MUC6: variants seen among roughly 807,000 people sequenced by gnomAD.
The protein encoded by MUC6 is mucin 6, oligomeric mucus/gel-forming (gene/pseudogene), also known as mucin-6.
MUC6 carries 188 observed loss-of-function variants against 201.5 expected under a neutral mutation model. The ratio of observed to expected loss-of-function variants is 0.93; its 90% CI spans 0.83 to 1.05. The LOEUF (loss-of-function observed/expected upper bound fraction) is 1.05, where lower values mean the gene tolerates loss of function less well. Among genes scored for constraint, MUC6 ranks in the 50% least tolerant of loss-of-function variants. MUC6 has a pLI of 0.00. For synonymous variants in MUC6, 1,228 were observed against 1,389.4 expected, an observed-to-expected ratio of 0.88 and a Z score of 2.58; for missense variants, 2,706 against 3,256.9, an observed-to-expected ratio of 0.83 and a Z score of 4.12.
Position 1,013,492 on chromosome 11 carries a change from G to A in MUC6, c.7284C>T (p.Ser2428=), listed in dbSNP as rs1271528795. 1.9e-6 allele frequency: 3 copies of A among 1,585,416 alleles called. No homozygotes were observed. Among genetic ancestry groups the A allele is most frequent in the East Asian group, 2.3e-5 (1 of 43,230 alleles). ...AGGCCACAGAGCTGCACACGCAGTGGCTGAACACCTGCAGGGTGAGTACGA... is the reference window on the plus strand; with the variant it reads ...AGGCCACAGAGCTGCACACGCAGTGACTGAACACCTGCAGGGTGAGTACGA... The part of the protein sequence containing the change: ...RRLVLTLQVF[S]HCVCSSVACG... The change falls in exon 33 of 33, where the codon AGC becomes AGT. Residue 2428 remains serine (S), a synonymous_variant. Transcript: ENST00000421673.
At chr11:1,036,513 C>T (rs943698212) in intron 1 of MUC6, 91 bp downstream of exon 1, 41 of 1,415,788 alleles carry the variant, frequency 2.9e-5, no homozygotes, top group East Asian at 7.7e-5. Flanking sequence ...GTGGGCCAGC[C>T]GAGTTGTCGA....
In MUC6 at chr11:1,033,214, G is replaced by A. The variant is rs748601718; in HGVS notation, c.53-139C>T. 8.3e-5 allele frequency: 66 copies of A among 798,842 alleles called. No homozygotes were observed. Among genetic ancestry groups the A allele is most frequent in the Non-Finnish European group, 1.2e-4 (58 of 479,334 alleles). 49.5% of individuals were successfully genotyped at this position (798,842 alleles called of 1,614,324 possible). A position where few individuals can be genotyped will look rare whatever the true frequency, so the allele number is the denominator to read the frequency against. ...GAAGTGTCCATGGCCCGTGGGGCTC[G>A]AGGCCTCAACAGCAAGCCAAGCGCT... On this transcript the variant is annotated intron_variant, in intron 1 of 32. Transcript: ENST00000421673. The surrounding 1 kb of genome is among the most constrained non-coding windows in gnomAD (Gnocchi z 5.6).
At chr11:1,026,174 G>C in intron 20 of MUC6, 33 bp from the exon 21 acceptor site, 2 of 1,571,436 alleles carry the variant, frequency 1.3e-6, no homozygotes, top group South Asian at 1.2e-5. Context: ...TGGTGGGCCT[G>C]CGGCCCTCCT....
At position 1,018,199 on chromosome 11, in the gene MUC6, A is replaced by G; in HGVS notation, c.4602T>C (p.His1534=). 1 of 1,613,950 alleles carries G rather than the reference A, an allele frequency of 6.2e-7. No individual in the cohort carries two copies. Among genetic ancestry groups the G allele is most frequent in the Non-Finnish European group, 8.5e-7 (1 of 1,179,822 alleles). ...TAGTAGAAGTTGGGGTGACTTCAGG[A>G]TGGTGTGTGGAGGAAGTGTGTGAAT... ...SLHSHTSSTH[H]PEVTPTSTTT... The change falls in exon 31 of 33, where the codon CAT becomes CAC. Residue 1534 remains histidine (H), a synonymous_variant. Transcript: ENST00000421673.
intron 8 of MUC6, 21 bp from the exon 9 acceptor site, chr11:1,029,636 G>T: frequency 6.4e-7 from 1 of 1,555,270 alleles, no homozygotes; most frequent in South Asian, 1.2e-5. Flanking sequence ...GGGTCTTCTT[G>T]GGGCTTGGGT....
intron 20 of MUC6, 59 bp from the exon 21 acceptor site, chr11:1,026,200 G>T: frequency 6.5e-7 from 1 of 1,549,772 alleles, no homozygotes. Flanking sequence ...ACTGGGTGTG[G>T]TCCCTGGAGA....
At position 1,033,345 on chromosome 11, in the gene MUC6, C is replaced by T. The variant is rs1360705770; in HGVS notation, c.53-270G>A. 4.5e-5 allele frequency: 24 copies of T among 537,048 alleles called. No individual in the cohort carries two copies. Among genetic ancestry groups the T allele is most frequent in the Admixed American group, 2.2e-4 (7 of 32,024 alleles). The allele number at this position is 537,048 out of a possible 1,614,324, so 33.3% of individuals were successfully genotyped here. On this transcript the variant is annotated intron_variant, in intron 1 of 32. Coordinates refer to ENST00000421673, the MANE Select transcript of MUC6 (RefSeq NM_005961.3). The surrounding 1 kb of genome is among the most constrained non-coding windows in gnomAD (Gnocchi z 5.6). ...GTTCAGCCGTCAGCCCCTCGGGGTTCGGCAGATGGCGGGCACCCTGTGTGC... is the reference window on the plus strand; with the variant it reads ...GTTCAGCCGTCAGCCCCTCGGGGTTTGGCAGATGGCGGGCACCCTGTGTGC...
At chr11:1,024,700 A>G (rs1440825626) in intron 24 of MUC6, 144 bp downstream of exon 24, 3 of 1,335,382 alleles carry the variant, frequency 2.2e-6, no homozygotes, top group African/African-American at 2.9e-5. Context: ...ACTCAGGCAG[A>G]GGGTCTGAAA....
Position 1,028,643 on chromosome 11 carries a change from C to T in MUC6, c.1591+3G>A, listed in dbSNP as rs1564842831. 6.2e-7 allele frequency: 1 copy of T among 1,606,824 alleles called. No individual in the cohort carries two copies. The highest frequency in any genetic ancestry group is 8.5e-7 in the Non-Finnish European group (1 of 1,177,358). On this transcript the variant is annotated splice_donor_region_variant and intron_variant, in intron 13 of 32. Transcript: ENST00000421673. ...AGGGCCACCTGGAGAGGCAGGGACT[C>T]ACCTCTGGTCTGACCTCTGAACTGG...
intron 16 of MUC6, 75 bp downstream of exon 16, chr11:1,027,610 G>C: frequency 1.9e-6 from 3 of 1,585,636 alleles, no homozygotes; most frequent in Middle Eastern, 1.7e-4. Flanking sequence ...CAGAGCCTCA[G>C]AGCTTGGGGT....
chr11:1,016,449 T>C lies in MUC6; in HGVS notation c.6352A>G (p.Thr2118Ala). 1 of 1,613,870 alleles carries C rather than the reference T, an allele frequency of 6.2e-7. No homozygotes were observed. The highest frequency in any genetic ancestry group is 8.5e-7 in the Non-Finnish European group (1 of 1,179,860). Residue 2118 changes from threonine to alanine, a missense_variant, in exon 31 of 33, where the codon ACC (threonine) becomes GCC (alanine). Coordinates refer to ENST00000421673, the MANE Select transcript of MUC6 (RefSeq NM_005961.3). ...TTQLPHLSSA[T>A]TPVSTTNQLS... ...TGATTAGTTGTGGAAACAGGAGTGG[T>C]TGCAGAACTCAAGTGGGGGAGTTGT...
chr11:1,029,628 G>A lies in MUC6; in HGVS notation c.1016-13C>T, dbSNP rs560292739. On this transcript the variant is annotated splice_polypyrimidine_tract_variant and intron_variant, in intron 8 of 32. Transcript: ENST00000421673. ...TTCAGGACCGTACCTGCAGGAGAGG[G>A]TCTTCTTGGGGCTTGGGTGGGACTG... The A allele has an allele frequency of 1.0e-5, 16 of 1,561,306 alleles. No homozygotes were observed. The East Asian group carries it at 2.5e-4, about 24-fold the overall frequency.
At position 1,031,845 on chromosome 11, in the gene MUC6, C is replaced by T. The variant is rs1480639774; in HGVS notation, c.324G>A (p.Val108=). 6.2e-7 allele frequency: 1 copy of T among 1,611,862 alleles called. No homozygotes were observed. Among genetic ancestry groups the T allele is most frequent in the South Asian group, 1.1e-5 (1 of 90,858 alleles). The change falls in exon 3 of 33, where the codon GTG becomes GTA. Residue 108 remains valine (V), a synonymous_variant. Transcript: ENST00000421673. ...IVELGASVVT[V]SEAIISVKDI... ...CCTTGACTGAGATGATGGCTTCGCT[C>T]ACAGTGACGACGGAGGCCCCCAGCT...
Position 1,028,352 on chromosome 11 carries a change from C to A in MUC6, c.1627G>T (p.Asp543Tyr). The stretch of plus-strand genomic sequence containing the variant: ...GCGATACCCATGCTAGTGGTGAAGT[C>A]ATCCGTTGTGTCCCCGTTGAAGTTG... The part of the protein sequence containing the change: ...CGNFNGDTTD[D>Y]FTTSMGIAEG... The change falls in exon 14 of 33, where the codon GAC (aspartate) becomes TAC (tyrosine). Residue 543 changes from aspartate to tyrosine, a missense_variant. Around this residue, in one of 10 missense-constraint regions of MUC6, gnomAD observed 1,850 missense variants for 1,958.3 expected, o/e 0.94. Coordinates refer to ENST00000421673, the MANE Select transcript of MUC6 (RefSeq NM_005961.3). 1 of 1,612,662 alleles carries A rather than the reference C, an allele frequency of 6.2e-7. No individual in the cohort carries two copies. The highest frequency in any genetic ancestry group is 8.5e-7 in the Non-Finnish European group (1 of 1,179,832).
At position 1,019,322 on chromosome 11, in the gene MUC6, G is replaced by C. The variant is rs776819945; in HGVS notation, c.3983C>G (p.Thr1328Arg). Residue 1328 changes from threonine (T) to arginine (R), a missense_variant, in exon 30 of 33, where the codon ACA becomes AGA. Thr to Arg is a moderately conservative substitution (Grantham distance 71). Coordinates refer to ENST00000421673, the MANE Select transcript of MUC6 (RefSeq NM_005961.3). ...TGTGGCTGGGGTTGGTAGTGTCATT[G>C]TGGTCCGTGTTGTGGACTGAGCTGT... The part of the protein sequence containing the change: ...TSTAQSTTRT[T>R]MTLPTPATSG... 2.5e-6 allele frequency: 4 copies of C among 1,613,934 alleles called. No homozygotes were observed. Among genetic ancestry groups the C allele is most frequent in the Admixed American group, 1.7e-5 (1 of 60,006 alleles).
Position 1,013,627 on chromosome 11 carries a change from G to A in MUC6, c.7149C>T (p.Asn2383=). The A allele has an allele frequency of 6.4e-7, 1 of 1,561,192 alleles. No homozygotes were observed. The highest frequency in any genetic ancestry group is 1.4e-5 in the African/African-American group (1 of 73,680). The part of the protein sequence containing the change: ...EGACISAASF[N]IITQQVDARC... Reference sequence around the variant, plus strand: ...GGGCATCCACCTGCTGGGTGATGATGTTGAAGCTGCCGAGAAGTCAAGACA... The same window carrying A: ...GGGCATCCACCTGCTGGGTGATGATATTGAAGCTGCCGAGAAGTCAAGACA... Residue 2383 remains asparagine (N), a synonymous_variant, in exon 33 of 33, where the codon AAC becomes AAT. Transcript: ENST00000421673.
Position 1,028,347 on chromosome 11 carries a change from GA to G in MUC6, c.1631del (p.Phe544SerfsTer37). On this transcript the variant is annotated frameshift_variant, in exon 14 of 33. Transcript: ENST00000421673. LOFTEE classifies it high-confidence loss of function. ...CCTCGGCGATACCCATGCTAGTGGT[GA>G]AGTCATCCGTTGTGTCCCCGTTGAA... The part of the protein sequence containing the change: ...GNFNGDTTDD[F>X]TTSMGIAEGT... The G allele has an allele frequency of 6.2e-7, 1 of 1,612,670 alleles. No individual in the cohort carries two copies.
In MUC6 at chr11:1,027,672, G is replaced by A. The variant is rs369529526; in HGVS notation, c.1981+13C>T. 49 of 1,591,638 alleles carry A rather than the reference G, an allele frequency of 3.1e-5. No homozygotes were observed. Among genetic ancestry groups the A allele is most frequent in the Middle Eastern group, 3.3e-4 (2 of 6,044 alleles). On this transcript the variant is annotated intron_variant, in intron 16 of 32. Coordinates refer to ENST00000421673, the MANE Select transcript of MUC6 (RefSeq NM_005961.3). ...CCTGCCGTGACCCCGCTTAAGCCCC[G>A]TCGGGCACTCACTGCAGTTGTCCAC...
chr11:1,023,359 T>A, intron 26 of MUC6, 150 bp downstream of exon 26: 2 of 997,906 alleles, frequency 2.0e-6, no homozygotes, highest in Non-Finnish European at 2.9e-6. Context: ...CGTGAGTGTG[T>A]GTGAATGAAT....
Sources: gnomAD v4.1 joint callset for allele counts on GRCh38, gnomAD v4.1.1 for gene constraint, gnomAD v4.1.1 regional missense constraint, Gnocchi (gnomAD v3.1) non-coding constraint, MANE v1.5 for transcripts, NCBI Gene and HGNC (gene_info 2026-07-23, HGNC 2026-07-21) for gene names.